The following AGBL4 variants were observed in gnomAD, a reference collection of about 807,000 sequenced individuals.
AGBL4 encodes the protein AGBL carboxypeptidase 4, also known as cytosolic carboxypeptidase 6.
AGBL4 carries 58 observed loss-of-function variants against 66.4 expected under a neutral mutation model. The observed-to-expected ratio is 0.87, with a 90% CI of 0.71 to 1.09. The LOEUF is 1.09. Ranked by LOEUF, AGBL4 falls within the 50% of genes least tolerant of loss-of-function variation. The pLI is 0.00. For synonymous variants in AGBL4, 234 were observed against 222.9 expected (o/e 1.05, Z -0.44); for missense variants, 579 against 631.0 (o/e 0.92, Z 0.88).
At chr1:49,258,914 G>A (rs539608770) in intron 3 of AGBL4, among the ~76,000 whole-genome samples, 24 of 152,200 alleles carry the variant, frequency 1.6e-4, no homozygotes, top group South Asian at 2.1e-4. Context: ...GAGAAAGGTC[G>A]GGTTACCCAC....
At chr1:49,473,781 T>C (rs2148715989) in intron 3 of AGBL4, among the ~76,000 whole-genome samples, 1 of 152,212 alleles carries the variant, frequency 6.6e-6, no homozygotes, top group East Asian at 1.9e-4. Context: ...ACATTAGTCT[T>C]TAATCCATTT....
At chr1:49,806,843 C>CATTCTGG (rs1274555131) in intron 2 of AGBL4, among the ~76,000 whole-genome samples, 1 of 152,156 alleles carries the variant, frequency 6.6e-6, no homozygotes, top group Non-Finnish European at 1.5e-5. Flanking sequence ...CTGTTCCCAG[C>CATTCTGG]ATTCTGGTGC....
chr1:49,769,252 A>G lies in AGBL4; in HGVS notation c.158-71815T>C, dbSNP rs557934999. Among the ~76,000 whole-genome samples, 45 of 152,094 alleles carry G rather than the reference A, an allele frequency of 3.0e-4. 2 individuals carry two copies. In the South Asian group the frequency reaches 8.7e-3, roughly 30 times the overall value. On this transcript the variant is annotated intron_variant, in intron 2 of 13. Coordinates refer to ENST00000371839, the MANE Select transcript of AGBL4 (RefSeq NM_032785.4). ...CACACACACACATACACAAACAAAC[A>G]CCTAGGAATACATTTAACCAAGATG... is the stretch of plus-strand genomic sequence containing the variant.
intron 3 of AGBL4, among the ~76,000 whole-genome samples, chr1:49,652,185 A>T (rs143701920): frequency 1.3e-5 from 2 of 152,312 alleles, no homozygotes; most frequent in Admixed American, 1.3e-4. Context: ...GCCTTCAAGA[A>T]ACATAAGATT....
chr1:49,318,855 G>A (rs1193838660), intron 3 of AGBL4, among the ~76,000 whole-genome samples: 1 of 152,026 alleles, frequency 6.6e-6, no homozygotes, highest in Non-Finnish European at 1.5e-5. Context: ...CAAGTATCTT[G>A]CTTACAGAAA....
At chr1:50,019,840 T>A (rs1056622307) in intron 1 of AGBL4, among the ~76,000 whole-genome samples, 5 of 152,060 alleles carry the variant, frequency 3.3e-5, no homozygotes, top group Non-Finnish European at 4.4e-5. Context: ...TACTCCTACA[T>A]GTAATTAACT....
At chr1:49,852,547 T>A (rs529882529) in intron 1 of AGBL4, among the ~76,000 whole-genome samples, 2 of 152,006 alleles carry the variant, frequency 1.3e-5, no homozygotes, top group African/African-American at 4.8e-5. Flanking sequence ...GAGAGACTTC[T>A]GTAATAGGAA....
At chr1:48,622,938 T>C (rs1378354738) in intron 9 of AGBL4, among the ~76,000 whole-genome samples, 1 of 152,204 alleles carries the variant, frequency 6.6e-6, no homozygotes, top group African/African-American at 2.4e-5. Context: ...TTAAGGAACC[T>C]GCCCAAAGGT....
intron 1 of AGBL4, among the ~76,000 whole-genome samples, chr1:49,860,359 G>A (rs1204137381): frequency 6.6e-6 from 1 of 152,218 alleles, no homozygotes; most frequent in Non-Finnish European, 1.5e-5. Context: ...AAAGTGCAAA[G>A]GCAATTCAAT....
intron 3 of AGBL4, among the ~76,000 whole-genome samples, chr1:49,301,572 T>C (rs930757201): frequency 6.6e-6 from 1 of 152,198 alleles, no homozygotes; most frequent in African/African-American, 2.4e-5. Context: ...GGTAGGGGCT[T>C]GAATTCTGCT....
chr1:49,742,815 T>G (rs191944624), intron 2 of AGBL4, among the ~76,000 whole-genome samples: 1,658 of 152,236 alleles, frequency 0.011, 26 homozygotes, highest in African/African-American at 0.038. Flanking sequence ...GATTCCCTAT[T>G]TAATAAATGG....
chr1:48,613,371 T>G (rs1306239936), intron 9 of AGBL4, among the ~76,000 whole-genome samples: 1 of 152,050 alleles, frequency 6.6e-6, no homozygotes, highest in East Asian at 1.9e-4. Flanking sequence ...GAAACTGGGG[T>G]CCAACGAGGG....
chr1:48,652,450 C>T (rs58218903), intron 8 of AGBL4, among the ~76,000 whole-genome samples: 19 of 152,222 alleles, frequency 1.2e-4, no homozygotes, highest in South Asian at 8.3e-4. Flanking sequence ...CTTTCCTCAA[C>T]GCAGCTGCAG....
chr1:49,304,930 A>G (rs241471), intron 3 of AGBL4, among the ~76,000 whole-genome samples: 105,639 of 152,052 alleles, frequency 0.69, 37,588 homozygotes, highest in African/African-American at 0.82. Flanking sequence ...TGAACTAAAT[A>G]AACTATTTAT....
chr1:49,550,708 GT>G (rs1652886727), intron 3 of AGBL4, among the ~76,000 whole-genome samples: 1 of 152,118 alleles, frequency 6.6e-6, no homozygotes, highest in African/African-American at 2.4e-5. Flanking sequence ...AGGTTACCTA[GT>G]GCTTCTGTCT....
chr1:49,521,334 G>GGCATCACATTACAGGACTTCAA (rs1650248679), intron 3 of AGBL4, among the ~76,000 whole-genome samples: 3 of 152,032 alleles, frequency 2.0e-5, no homozygotes, highest in African/African-American at 7.2e-5. Context: ...CAAAGCTGGA[G>GGCATCACATTACAGGACTTCAA]GCATCACATT....
rs1467895023 is a variant in AGBL4 at position 48,899,171 on chromosome 1, ACGC to A, written c.595-31944_595-31942del. On this transcript the variant is annotated intron_variant, in intron 5 of 13. Transcript: ENST00000371839. Reference sequence around the variant, plus strand: ...AGGTAGAACGGCGCCAGCCCGAGTGACGCCTGGCGTGTAGCCGTGGGCAGGCGG... The same window carrying A: ...AGGTAGAACGGCGCCAGCCCGAGTGACTGGCGTGTAGCCGTGGGCAGGCGG... Among the ~76,000 whole-genome samples the A allele has an allele frequency of 3.9e-5, 6 of 152,282 alleles. No individual in the cohort carries two copies. The South Asian group carries it at 1.0e-3, about 26-fold the overall frequency.
chr1:49,948,075 AAT>A (rs1278809255), intron 1 of AGBL4, among the ~76,000 whole-genome samples: 12 of 74,364 alleles, frequency 1.6e-4, no homozygotes, highest in African/African-American at 6.9e-4. Flanking sequence ...AATATATGTA[AAT>A]ATATGTAAAT....
intron 9 of AGBL4, among the ~76,000 whole-genome samples, chr1:48,609,097 A>G (rs1005798603): frequency 1.3e-5 from 2 of 152,182 alleles, no homozygotes; most frequent in Non-Finnish European, 2.9e-5. Flanking sequence ...ACACAGGCAG[A>G]CAAGACAGAG....
Sources: allele counts gnomAD v4.1 joint callset (sites outside exome capture counted in the v4.1 genomes callset), GRCh38; gene constraint gnomAD v4.1.1; transcripts MANE v1.5; gene names NCBI Gene and HGNC (gene_info 2026-07-23, HGNC 2026-07-21).